The following PRKCE variants were observed in gnomAD, a reference collection of about 807,000 sequenced individuals.
The protein encoded by PRKCE is protein kinase C epsilon type.
A neutral mutation model predicts 85.4 loss-of-function variants in PRKCE; 16 were observed. The observed-to-expected ratio is 0.19, with a 90% CI of 0.13 to 0.28. PRKCE has a LOEUF of 0.28. PRKCE is among the 10% of genes least tolerant of loss of function. PRKCE has a pLI of 1.00. For synonymous variants in PRKCE, 388 were observed against 371.5 expected (o/e 1.04, Z -0.51); for missense variants, 573 against 975.2 (o/e 0.59, Z 5.49).
At chr2:45,718,518 T>C (rs1680343723) in intron 1 of PRKCE, among the ~76,000 whole-genome samples, 1 of 152,014 alleles carries the variant, frequency 6.6e-6, no homozygotes, top group Non-Finnish European at 1.5e-5. Context: ...CTAATTTTTG[T>C]ATTTTTGTAG....
intron 1 of PRKCE, among the ~76,000 whole-genome samples, chr2:45,677,578 G>T (rs1389686662): frequency 1.3e-5 from 2 of 152,074 alleles, no homozygotes; most frequent in Admixed American, 1.3e-4. Flanking sequence ...GGATGGTCTC[G>T]ATCTCCTGAC....
intron 1 of PRKCE, among the ~76,000 whole-genome samples, chr2:45,775,850 C>T (rs1228278511): frequency 3.3e-5 from 5 of 152,186 alleles, no homozygotes; most frequent in East Asian, 1.9e-4. Context: ...CCTGCTTCTC[C>T]GGCCTCATTG....
chr2:45,783,886 A>G (rs766117458), intron 1 of PRKCE, among the ~76,000 whole-genome samples: 1 of 152,222 alleles, frequency 6.6e-6, no homozygotes, highest in Non-Finnish European at 1.5e-5. Context: ...AGTCACAGAA[A>G]GCATAGATCT....
chr2:46,076,792 AG>A (rs1668594041), intron 10 of PRKCE, among the ~76,000 whole-genome samples: 1 of 152,220 alleles, frequency 6.6e-6, no homozygotes, highest in Non-Finnish European at 1.5e-5. Context: ...CCATGTCTAC[AG>A]GCAATGGAAT....
chr2:46,088,003 A>G (rs115727466), intron 11 of PRKCE, among the ~76,000 whole-genome samples: 1,871 of 152,308 alleles, frequency 0.012, 39 homozygotes, highest in African/African-American at 0.042. Context: ...GATTAACTCA[A>G]AGTCAGATGA....
At chr2:45,926,735 G>A (rs935049045) in intron 2 of PRKCE, among the ~76,000 whole-genome samples, 3 of 152,240 alleles carry the variant, frequency 2.0e-5, no homozygotes, top group African/African-American at 7.2e-5. Flanking sequence ...AGACAGAGGG[G>A]CTCCTGTGGG....
At chr2:45,920,369 C>T (rs773616384) in intron 2 of PRKCE, among the ~76,000 whole-genome samples, 4 of 152,080 alleles carry the variant, frequency 2.6e-5, no homozygotes, top group South Asian at 2.1e-4. Flanking sequence ...GTTCTTCAAA[C>T]GATTAAACGT....
At chr2:45,771,705 G>GTGTGTGTA (rs1378150464) in intron 1 of PRKCE, among the ~76,000 whole-genome samples, 1 of 70,942 alleles carries the variant, frequency 1.4e-5, no homozygotes, top group Admixed American at 1.4e-4. Context: ...AGTGGGGCGT[G>GTGTGTGTA]TGTGTGTGTG....
intron 1 of PRKCE, among the ~76,000 whole-genome samples, chr2:45,792,651 T>C (rs1262404820): frequency 6.6e-6 from 1 of 152,182 alleles, no homozygotes; most frequent in Non-Finnish European, 1.5e-5. Context: ...CTACGTAGCC[T>C]CTCTGTGCCT....
At chr2:45,934,789 C>T (rs371375854) in intron 2 of PRKCE, among the ~76,000 whole-genome samples, 13 of 151,326 alleles carry the variant, frequency 8.6e-5, no homozygotes, top group African/African-American at 2.9e-4. Context: ...CATGGTGGCT[C>T]ACACTTATAA....
At chr2:45,811,667 T>C (rs73928809) in intron 1 of PRKCE, among the ~76,000 whole-genome samples, 129 of 152,214 alleles carry the variant, frequency 8.5e-4, no homozygotes, top group African/African-American at 3.0e-3. Context: ...GGGAAAAGGG[T>C]AATGTTTATA....
intron 10 of PRKCE, among the ~76,000 whole-genome samples, chr2:46,058,147 T>G (rs1346541093): frequency 1.3e-5 from 2 of 152,196 alleles, no homozygotes; most frequent in Non-Finnish European, 2.9e-5. Context: ...CTGTTCCCAT[T>G]CGGTAAAGTG....
chr2:45,982,430 A>G (rs1702966599), intron 5 of PRKCE, among the ~76,000 whole-genome samples: 1 of 152,162 alleles, frequency 6.6e-6, no homozygotes, highest in South Asian at 2.1e-4. Flanking sequence ...CTGCACCGTG[A>G]ACACTCGGCC....
intron 1 of PRKCE, among the ~76,000 whole-genome samples, chr2:45,761,213 G>C (rs1558642854): frequency 6.6e-6 from 1 of 150,408 alleles, no homozygotes; most frequent in Non-Finnish European, 1.5e-5. Flanking sequence ...TGTGGTCTCA[G>C]CTACTCGGGA....
At chr2:45,909,723 C>A (rs550982722) in intron 2 of PRKCE, among the ~76,000 whole-genome samples, 1 of 152,192 alleles carries the variant, frequency 6.6e-6, no homozygotes, top group African/African-American at 2.4e-5. Context: ...TTTAGAAAAG[C>A]CTTCCAGGCA....
chr2:46,044,551 C>T (rs1342411290), intron 10 of PRKCE, among the ~76,000 whole-genome samples: 1 of 152,156 alleles, frequency 6.6e-6, no homozygotes, highest in African/African-American at 2.4e-5. Flanking sequence ...TCTTCACCAT[C>T]TTGCTCTTGA....
chr2:46,057,000 T>C (rs1050287382), intron 10 of PRKCE, among the ~76,000 whole-genome samples: 2 of 151,780 alleles, frequency 1.3e-5, no homozygotes, highest in African/African-American at 4.8e-5. Context: ...GTTTGAACAG[T>C]GGGGATGGAG....
intron 2 of PRKCE, among the ~76,000 whole-genome samples, chr2:45,971,930 A>G (rs1288493018): frequency 6.6e-6 from 1 of 152,166 alleles, no homozygotes; most frequent in African/African-American, 2.4e-5. Flanking sequence ...GTGGGAGTGC[A>G]GATGCATGAG....
chr2:46,154,020 C>T (rs1366544634), intron 13 of PRKCE, among the ~76,000 whole-genome samples: 3 of 152,126 alleles, frequency 2.0e-5, no homozygotes, highest in East Asian at 1.9e-4. Context: ...CTCCTGACCT[C>T]GTGATCCGCC....
Sources: allele counts gnomAD v4.1 joint callset (sites outside exome capture counted in the v4.1 genomes callset), GRCh38; gene constraint gnomAD v4.1.1; transcripts MANE v1.5; gene names NCBI Gene and HGNC (gene_info 2026-07-23, HGNC 2026-07-21).